Variants in CNOT6 observed in about 807,000 individuals in gnomAD.
CNOT6 encodes the protein CCR4-NOT transcription complex subunit 6.
In CNOT6, 12 loss-of-function variants were observed where a neutral mutation model predicts 61.2. The ratio of observed to expected loss-of-function variants is 0.20; its 90% CI spans 0.13 to 0.32. The LOEUF is 0.32. Among genes scored for constraint, CNOT6 ranks in the 10% least tolerant of loss-of-function variants. The pLI is 1.00. For missense variants in CNOT6, 405 were observed against 663.9 expected (o/e 0.61, Z 4.28); for synonymous variants, 225 against 240.6 (o/e 0.94, Z 0.60).
chr5:180,544,763 T>C (rs963696229), intron 2 of CNOT6, among the ~76,000 whole-genome samples: 3 of 152,208 alleles, frequency 2.0e-5, no homozygotes, highest in Non-Finnish European at 4.4e-5. Flanking sequence ...AGGCATACCC[T>C]TCCCCTCTCT....
intron 3 of CNOT6, among the ~76,000 whole-genome samples, chr5:180,552,896 T>C (rs1759695528): frequency 6.6e-6 from 1 of 152,234 alleles, no homozygotes; most frequent in Non-Finnish European, 1.5e-5. Context: ...ATGCAGCTGT[T>C]ACGAGCTCTT....
chr5:180,559,076 G>A (rs1393328821), intron 4 of CNOT6, among the ~76,000 whole-genome samples: 1 of 152,192 alleles, frequency 6.6e-6, no homozygotes, highest in Non-Finnish European at 1.5e-5. Flanking sequence ...TTGGGTACTG[G>A]AAAAGAATGT....
At chr5:180,552,687 A>G (rs940355794) in intron 3 of CNOT6, among the ~76,000 whole-genome samples, 12 of 151,992 alleles carry the variant, frequency 7.9e-5, no homozygotes, top group African/African-American at 2.9e-4. Flanking sequence ...CATGCGTTAC[A>G]TTGCCACTGT....
chr5:180,507,633 A>T (rs1757186600), intron 1 of CNOT6, among the ~76,000 whole-genome samples: 1 of 152,144 alleles, frequency 6.6e-6, no homozygotes, highest in Non-Finnish European at 1.5e-5. Context: ...TTTTAGGAAC[A>T]TGATGTACTT....
In CNOT6 at chr5:180,505,633, C is replaced by T. The variant is rs543540224; in HGVS notation, c.-3+10870C>T. On this transcript the variant is annotated intron_variant, in intron 1 of 11. Transcript: ENST00000261951. ...CGCGATCTCGGCTCACTGCAAGCTC[C>T]GCCTCCCAGGTTTACGCCATTCTCC... 3.2e-4 allele frequency among the ~76,000 whole-genome samples: 48 copies of T among 150,246 alleles called. 1 individual carries two copies. The highest frequency in any genetic ancestry group is 3.5e-3 in the Middle Eastern group (1 of 282).
At chr5:180,564,277 C>G (rs990977829) in intron 4 of CNOT6, among the ~76,000 whole-genome samples, 1 of 152,122 alleles carries the variant, frequency 6.6e-6, no homozygotes, top group Non-Finnish European at 1.5e-5. Flanking sequence ...TGACATCAGC[C>G]CATTAACATT....
intron 1 of CNOT6, among the ~76,000 whole-genome samples, chr5:180,503,730 C>G (rs1193354837): frequency 2.0e-5 from 3 of 151,086 alleles, no homozygotes; most frequent in Non-Finnish European, 4.4e-5. Context: ...CTCAGCCTCC[C>G]GAGTAGCTGG....
chr5:180,527,489 G>A (rs191735278), intron 1 of CNOT6, among the ~76,000 whole-genome samples: 14 of 152,198 alleles, frequency 9.2e-5, no homozygotes, highest in African/African-American at 1.9e-4. Context: ...CAAGTGTAAC[G>A]TTCTGTAGTA....
chr5:180,515,184 G>A (rs1005577262), intron 1 of CNOT6, among the ~76,000 whole-genome samples: 25 of 151,874 alleles, frequency 1.6e-4, no homozygotes, highest in Admixed American at 1.1e-3. Context: ...TCGGGAGGTC[G>A]AGGCAGGAGG....
chr5:180,553,557 C>A, intron 4 of CNOT6, 86 bp downstream of exon 4: 1 of 915,028 alleles, frequency 1.1e-6, no homozygotes, highest in South Asian at 1.5e-5. Flanking sequence ...CTAGGGGATT[C>A]TTTTAAAGAC....
At chr5:180,505,742 G>A (rs1296659172) in intron 1 of CNOT6, among the ~76,000 whole-genome samples, 1 of 151,988 alleles carries the variant, frequency 6.6e-6, no homozygotes, top group African/African-American at 2.4e-5. Context: ...TAGAGACGGG[G>A]TTTCACTGTG....
At chr5:180,525,279 C>CT (rs918248414) in intron 1 of CNOT6, among the ~76,000 whole-genome samples, 7 of 152,050 alleles carry the variant, frequency 4.6e-5, no homozygotes, top group Non-Finnish European at 8.8e-5. Context: ...GCTCATGCCT[C>CT]TAATCTTAAC....
chr5:180,541,688 G>A (rs562428749), intron 2 of CNOT6, among the ~76,000 whole-genome samples: 12 of 151,636 alleles, frequency 7.9e-5, no homozygotes, highest in Non-Finnish European at 1.3e-4. Context: ...TCCTGACCTC[G>A]TGATCCACCC....
intron 4 of CNOT6, 124 bp downstream of exon 4, chr5:180,553,595 C>G: frequency 1.5e-6 from 1 of 668,414 alleles, no homozygotes; most frequent in Non-Finnish European, 2.6e-6. Flanking sequence ...TCATCAGTTT[C>G]TTAGCTATAT....
intron 2 of CNOT6, among the ~76,000 whole-genome samples, chr5:180,549,415 C>T (rs756607612): frequency 2.6e-5 from 4 of 151,988 alleles, no homozygotes; most frequent in Non-Finnish European, 5.9e-5. Flanking sequence ...TTTTGGAGGC[C>T]AAGGCGGGCA....
chr5:180,538,389 T>G (rs1758827081), intron 2 of CNOT6, among the ~76,000 whole-genome samples: 1 of 149,602 alleles, frequency 6.7e-6, no homozygotes. Flanking sequence ...TTAATTCTCA[T>G]TTAATCCCTT....
intron 4 of CNOT6, among the ~76,000 whole-genome samples, chr5:180,557,130 T>A (rs1759938191): frequency 6.6e-6 from 1 of 152,230 alleles, no homozygotes; most frequent in Non-Finnish European, 1.5e-5. Context: ...TCGTGGTTAG[T>A]TTAACCATTT....
intron 1 of CNOT6, among the ~76,000 whole-genome samples, chr5:180,526,818 C>T (rs1384654252): frequency 6.6e-6 from 1 of 151,726 alleles, no homozygotes; most frequent in Admixed American, 6.6e-5. Flanking sequence ...TTTTATTTCA[C>T]CTAAATATTT....
intron 1 of CNOT6, among the ~76,000 whole-genome samples, chr5:180,528,088 G>A (rs1344139537): frequency 8.8e-6 from 1 of 114,252 alleles, no homozygotes; most frequent in Non-Finnish European, 2.2e-5. Flanking sequence ...GTTGTAGCCT[G>A]ACTATCCATT....
Sources: allele counts gnomAD v4.1 joint callset (sites outside exome capture counted in the v4.1 genomes callset), GRCh38; gene constraint gnomAD v4.1.1; transcripts MANE v1.5; gene names NCBI Gene and HGNC (gene_info 2026-07-23, HGNC 2026-07-21).